The following CLVS1 variants were observed in gnomAD, a reference collection of about 807,000 sequenced individuals.
CLVS1 encodes clavesin-1.
CLVS1 carries 10 observed loss-of-function variants against 33.1 expected under a neutral mutation model. The observed-to-expected ratio is 0.30, with a 90% CI of 0.19 to 0.51. The LOEUF is 0.51. CLVS1 is among the 20% of genes least tolerant of loss of function. The pLI is 0.97. For missense variants in CLVS1, 343 were observed against 433.4 expected, an observed-to-expected ratio of 0.79 and a Z score of 1.85; for synonymous variants, 163 against 166.1, an observed-to-expected ratio of 0.98 and a Z score of 0.14.
intron 2 of CLVS1, among the ~76,000 whole-genome samples, chr8:61,199,537 C>T (rs1807685575): frequency 6.6e-6 from 1 of 152,108 alleles, no homozygotes; most frequent in Non-Finnish European, 1.5e-5. Flanking sequence ...TAGGGAAATG[C>T]AAATTAAATC....
intron 2 of CLVS1, among the ~76,000 whole-genome samples, chr8:61,245,164 T>C (rs141145571): frequency 0.011 from 1,688 of 152,266 alleles, 14 homozygotes; most frequent in Non-Finnish European, 0.016. Context: ...TTTTCATCCT[T>C]CCACTTTCAA....
At chr8:61,067,110 G>GT (rs1804697420) in intron 1 of CLVS1, among the ~76,000 whole-genome samples, 2 of 152,032 alleles carry the variant, frequency 1.3e-5, no homozygotes, top group Non-Finnish European at 2.9e-5. Context: ...CATGAGGGGG[G>GT]ATGAAATAAT....
chr8:60,989,071 A>G, the CLVS1 span, among the ~76,000 whole-genome samples: 7 of 152,090 alleles, frequency 4.6e-5, no homozygotes, highest in African/African-American at 1.7e-4. Context: ...GGGTCTCCCT[A>G]TGTTGCCCAG....
intron 3 of CLVS1, among the ~76,000 whole-genome samples, chr8:61,383,909 A>T (rs1813982309): frequency 1.3e-5 from 2 of 152,240 alleles, no homozygotes; most frequent in African/African-American, 4.8e-5. Context: ...TCCTCTTCTC[A>T]GGAAGGTCAT....
At chr8:61,298,125 T>C (rs1462402779) in intron 1 of CLVS1, among the ~76,000 whole-genome samples, 1 of 152,116 alleles carries the variant, frequency 6.6e-6, no homozygotes, top group African/African-American at 2.4e-5. Flanking sequence ...TTGCAATGAG[T>C]GTAGGGAAGA....
chr8:61,402,690 T>G (rs1250963202), intron 3 of CLVS1, among the ~76,000 whole-genome samples: 1 of 152,218 alleles, frequency 6.6e-6, no homozygotes, highest in Non-Finnish European at 1.5e-5. Flanking sequence ...GAGTATATAA[T>G]GTTGAATGAT....
At chr8:61,427,908 C>T (rs976720592) in intron 3 of CLVS1, among the ~76,000 whole-genome samples, 2 of 152,228 alleles carry the variant, frequency 1.3e-5, no homozygotes, top group African/African-American at 2.4e-5. Flanking sequence ...GAGAGCCCTA[C>T]AAACATTCAT....
At chr8:61,008,190 C>T in the CLVS1 span, among the ~76,000 whole-genome samples, 3 of 152,026 alleles carry the variant, frequency 2.0e-5, no homozygotes, top group Non-Finnish European at 2.9e-5. Context: ...CATCCCTGAA[C>T]GCGCAATTAC....
intron 2 of CLVS1, among the ~76,000 whole-genome samples, chr8:61,206,037 A>G (rs1313421017): frequency 1.3e-5 from 2 of 152,202 alleles, no homozygotes; most frequent in African/African-American, 4.8e-5. Flanking sequence ...CAATAAAGTA[A>G]GTATCTGTCA....
At chr8:61,252,919 C>T (rs1373639286) in intron 2 of CLVS1, among the ~76,000 whole-genome samples, 1 of 152,194 alleles carries the variant, frequency 6.6e-6, no homozygotes, top group Non-Finnish European at 1.5e-5. Context: ...ATCACATTTA[C>T]ATTTAAGGTT....
chr8:61,421,036 T>G (rs1815642629), intron 3 of CLVS1, among the ~76,000 whole-genome samples: 1 of 151,938 alleles, frequency 6.6e-6, no homozygotes, highest in African/African-American at 2.4e-5. Context: ...AGTATGCAAG[T>G]TGAGAGAAAT....
At chr8:61,318,414 C>T (rs1224745649) in intron 2 of CLVS1, among the ~76,000 whole-genome samples, 1 of 152,116 alleles carries the variant, frequency 6.6e-6, no homozygotes, top group African/African-American at 2.4e-5. Flanking sequence ...ACCAGGAATA[C>T]AGAGCTGAAC....
In CLVS1 at chr8:61,192,811, G is replaced by C. The variant is rs28792822; in HGVS notation, c.-152+60951G>C. Among the ~76,000 whole-genome samples the C allele has an allele frequency of 5.2e-3, 795 of 152,122 alleles. 3 individuals are homozygous for C. Among genetic ancestry groups the C allele is most frequent in the Non-Finnish European group, 8.7e-3 (588 of 67,972 alleles). On this transcript the variant is annotated intron_variant, in intron 2 of 2. Coordinates refer to the CLVS1 transcript ENST00000522621. ...CCATCAGAGAAATGCAAATCAAAACGACAATGAGATACCATGTCACACCAG... is the reference window on the plus strand; with the variant it reads ...CCATCAGAGAAATGCAAATCAAAACCACAATGAGATACCATGTCACACCAG...
chr8:61,393,381 A>G (rs1205379871), intron 3 of CLVS1, among the ~76,000 whole-genome samples: 1 of 151,998 alleles, frequency 6.6e-6, no homozygotes, highest in African/African-American at 2.4e-5. Flanking sequence ...TTAATAATCA[A>G]CCTTCTGAAT....
intron 1 of CLVS1, among the ~76,000 whole-genome samples, chr8:61,097,758 C>T (rs775073841): frequency 1.3e-5 from 2 of 152,258 alleles, no homozygotes; most frequent in Middle Eastern, 3.4e-3. Context: ...ACTTAATTTG[C>T]AGGCTAACGA....
At chr8:61,034,424 A>G in the CLVS1 span, among the ~76,000 whole-genome samples, 2 of 151,972 alleles carry the variant, frequency 1.3e-5, no homozygotes, top group Non-Finnish European at 2.9e-5. Context: ...ATTTTGAAAT[A>G]TACAGTATAT....
At chr8:61,151,139 G>C (rs771937328) in intron 2 of CLVS1, among the ~76,000 whole-genome samples, 4 of 152,226 alleles carry the variant, frequency 2.6e-5, no homozygotes, top group African/African-American at 7.2e-5. Flanking sequence ...ATAGGCAACA[G>C]AAAGGCAATG....
At chr8:61,228,206 A>G (rs1025793068) in intron 2 of CLVS1, among the ~76,000 whole-genome samples, 4 of 152,194 alleles carry the variant, frequency 2.6e-5, no homozygotes, top group African/African-American at 9.6e-5. Flanking sequence ...CAAGTAAAAA[A>G]TATATATTTA....
At chr8:61,494,700 A>G (rs1209954626) in intron 5 of CLVS1, among the ~76,000 whole-genome samples, 8 of 152,196 alleles carry the variant, frequency 5.3e-5, no homozygotes, top group African/African-American at 1.9e-4. Flanking sequence ...AGCATTTTGA[A>G]TCAGCCAAAT....
Sources: gnomAD v4.1 joint callset for allele counts (sites outside exome capture counted in the v4.1 genomes callset) on GRCh38, gnomAD v4.1.1 for gene constraint, MANE v1.5 for transcripts, NCBI Gene and HGNC (gene_info 2026-07-23, HGNC 2026-07-21) for gene names.